IGF2R: variants seen among roughly 807,000 people sequenced by gnomAD.
IGF2R encodes the protein cation-independent mannose-6-phosphate receptor.
Under a neutral mutation model 270.6 loss-of-function variants are expected in IGF2R, and 91 were observed. That is an observed-to-expected ratio of 0.34 (90% CI 0.28 to 0.40). The LOEUF is 0.40. IGF2R is among the 10% of genes least tolerant of loss of function. IGF2R has a pLI of 1.00. For missense variants in IGF2R, 2,805 were observed against 3,188.3 expected, an observed-to-expected ratio of 0.88 and a Z score of 2.90; for synonymous variants, 1,316 against 1,258.9, an observed-to-expected ratio of 1.05 and a Z score of -0.96.
chr6:160,026,614 G>T (rs1468966835), intron 5 of IGF2R, among the ~76,000 whole-genome samples: 1 of 152,214 alleles, frequency 6.6e-6, no homozygotes, highest in African/African-American at 2.4e-5. Flanking sequence ...GAGCAACCTA[G>T]CTGTAATCAT....
chr6:160,097,356 A>G (rs1311701884), intron 45 of IGF2R, among the ~76,000 whole-genome samples: 1 of 151,730 alleles, frequency 6.6e-6, no homozygotes, highest in African/African-American at 2.4e-5. Context: ...TTTGGGATGG[A>G]CTCTTGCTCT....
chr6:159,980,231 G>GAAAGAAAGAAAGA (rs1783774192), intron 1 of IGF2R, among the ~76,000 whole-genome samples: 2 of 114,426 alleles, frequency 1.7e-5, no homozygotes, highest in African/African-American at 6.1e-5. Flanking sequence ...AAGAAAGAAA[G>GAAAGAAAGAAAGA]AAAGAAAGGT....
chr6:160,001,492 A>T (rs562100410), intron 2 of IGF2R, among the ~76,000 whole-genome samples: 40 of 152,302 alleles, frequency 2.6e-4, no homozygotes, highest in Non-Finnish European at 4.1e-4. Context: ...TAAATGTAAT[A>T]TGCTTGAATC....
intron 18 of IGF2R, 28 bp downstream of exon 18, chr6:160,048,571 T>C: frequency 6.2e-7 from 1 of 1,607,562 alleles, no homozygotes; most frequent in Non-Finnish European, 8.5e-7. Flanking sequence ...GCTTGTCTCC[T>C]TTGCCCTCCT....
Position 159,973,064 on chromosome 6 carries a change from TG to T in IGF2R, c.149+3672del, listed in dbSNP as rs1224852348. ...TTTCTGAGGCTAGTGTGATAGGCTG[TG>T]GGACTGGCCTGTAGAAAAGACCTGG... is the stretch of plus-strand genomic sequence containing the variant. On this transcript the variant is annotated intron_variant, in intron 1 of 47. Coordinates refer to ENST00000356956, the MANE Select transcript of IGF2R (RefSeq NM_000876.4). Among the ~76,000 whole-genome samples the T allele has an allele frequency of 2.0e-5, 3 of 152,234 alleles. No homozygotes were observed. In the East Asian group the frequency reaches 5.8e-4, roughly 29 times the overall value.
intron 1 of IGF2R, among the ~76,000 whole-genome samples, chr6:159,986,430 G>GTGTGT (rs764032319): frequency 7.7e-5 from 9 of 116,830 alleles, no homozygotes; most frequent in Non-Finnish European, 1.1e-4. Flanking sequence ...GTGTGTGTGT[G>GTGTGT]TTTTTTTTTT....
Position 159,989,221 on chromosome 6 carries a change from A to G in IGF2R, c.150-1963A>G, listed in dbSNP as rs149836197. Among the ~76,000 whole-genome samples the G allele has an allele frequency of 3.4e-4, 52 of 152,162 alleles. 1 individual carries two copies. In the South Asian group the frequency reaches 9.8e-3, roughly 29 times the overall value. On this transcript the variant is annotated intron_variant, in intron 1 of 47. Transcript: ENST00000356956. ...GGGGGTTTGATGGGTTCCCAGACCT[A>G]GGAGTTCTTGGCGCCTCGTCTTCCA... is the stretch of plus-strand genomic sequence containing the variant.
intron 4 of IGF2R, among the ~76,000 whole-genome samples, chr6:160,017,713 A>G (rs986644718): frequency 3.9e-5 from 6 of 152,164 alleles, no homozygotes; most frequent in African/African-American, 1.2e-4. Context: ...CAAGGTGCTT[A>G]AGGAAAAAAA....
intron 4 of IGF2R, among the ~76,000 whole-genome samples, chr6:160,019,969 G>C (rs569193069): frequency 6.6e-6 from 1 of 152,214 alleles, no homozygotes; most frequent in Non-Finnish European, 1.5e-5. Context: ...GGGGCAGTCA[G>C]GCAAGAGAAA....
At position 160,111,482 on chromosome 6, in the gene IGF2R, T is replaced by C. The variant is rs1463985307; in HGVS notation, c.*6398T>C. The C allele has an allele frequency of 6.6e-6, 1 of 152,252 alleles. No individual in the cohort carries two copies. The highest frequency in any genetic ancestry group is 1.5e-5 in the Non-Finnish European group (1 of 68,058). 9.4% of individuals were successfully genotyped at this position (152,252 alleles called of 1,614,324 possible). A position where few individuals can be genotyped will look rare whatever the true frequency, so the allele number is the denominator to read the frequency against. ...TGTATTTTATTGTAAGAATACAGTA[T>C]ATAATACATACAACATCGAAAATAT... On this transcript the variant is annotated 3_prime_UTR_variant, in exon 48 of 48. Transcript: ENST00000356956.
chr6:160,068,342 C>T lies in IGF2R; in HGVS notation c.4209C>T (p.Tyr1403=), dbSNP rs2115269934. 6.2e-7 allele frequency: 1 copy of T among 1,614,260 alleles called. No homozygotes were observed. The highest frequency in any genetic ancestry group is 8.5e-7 in the Non-Finnish European group (1 of 1,180,046). Residue 1403 remains tyrosine (Y), a synonymous_variant, in exon 30 of 48, where the codon TAC becomes TAT. Coordinates refer to ENST00000356956, the MANE Select transcript of IGF2R (RefSeq NM_000876.4). The stretch of plus-strand genomic sequence containing the variant: ...CTGGGACGGGGGACCCGGAGCACTA[C>T]CTCATCAATGTCTGCAAGTCTCTGG... ...AITGTGDPEH[Y]LINVCKSLAP...
At chr6:160,049,512 G>A (rs1778146857) in intron 18 of IGF2R, among the ~76,000 whole-genome samples, 1 of 152,178 alleles carries the variant, frequency 6.6e-6, no homozygotes, top group Non-Finnish European at 1.5e-5. Context: ...CTCCAGCCCT[G>A]GGGCCAGTTG....
chr6:160,096,411 T>C, intron 44 of IGF2R, 28 bp from the exon 45 acceptor site: 4 of 1,592,776 alleles, frequency 2.5e-6, no homozygotes, highest in Non-Finnish European at 2.6e-6. Context: ...GATGGTGACA[T>C]GCCATGTGTG....
At position 160,032,677 on chromosome 6, in the gene IGF2R, G is replaced by A. The variant is rs1456095686; in HGVS notation, c.1009G>A (p.Val337Ile). 6.2e-7 allele frequency: 1 copy of A among 1,614,184 alleles called. No individual in the cohort carries two copies. The highest frequency in any genetic ancestry group is 1.7e-5 in the Admixed American group (1 of 60,030). Reference protein sequence around the residue: ...TCSLSGEQQDVSIDLTPLAQS... With the variant: ...TCSLSGEQQDISIDLTPLAQS... ...TTCTCTGAGCGGCGAGCAGCAGGAT[G>A]TCTCCATAGACCTCACACCACTTGC... The change falls in exon 8 of 48, where the codon GTC (valine) becomes ATC (isoleucine). Residue 337 changes from valine (V) to isoleucine (I), a missense_variant. Around this residue, in one of 2 missense-constraint regions of IGF2R, gnomAD observed 954 missense variants for 981.1 expected, o/e 0.97. Coordinates refer to ENST00000356956, the MANE Select transcript of IGF2R (RefSeq NM_000876.4).
chr6:160,076,484 A>C (rs150006598), intron 36 of IGF2R, among the ~76,000 whole-genome samples: 1 of 152,182 alleles, frequency 6.6e-6, no homozygotes, highest in African/African-American at 2.4e-5. Flanking sequence ...TTAAAAAAAG[A>C]ATACCAGCTT....
intron 25 of IGF2R, 26 bp from the exon 26 acceptor site, chr6:160,062,506 A>G (rs1778462421): frequency 6.3e-7 from 1 of 1,574,842 alleles, no homozygotes; most frequent in African/African-American, 1.3e-5. Flanking sequence ...ACAGGAAACA[A>G]ATCAGGCTGC....
In IGF2R at chr6:160,102,626, T is replaced by A; in HGVS notation, c.6950T>A (p.Leu2317His). The A allele has an allele frequency of 6.2e-7, 1 of 1,612,882 alleles. No homozygotes were observed. The highest frequency in any genetic ancestry group is 8.5e-7 in the Non-Finnish European group (1 of 1,179,348). ...GAVLSLLLVA[L>H]TCCLLALLLY... Reference sequence around the variant, plus strand: ...GTGCTCAGCCTGCTGCTGGTGGCGCTCACCTGCTGCCTGCTGGCCCTGTTG... The same window carrying A: ...GTGCTCAGCCTGCTGCTGGTGGCGCACACCTGCTGCCTGCTGGCCCTGTTG... The change falls in exon 46 of 48, where the codon CTC becomes CAC. Residue 2317 changes from leucine (L) to histidine (H), a missense_variant. Physicochemically the swap from Leu to His is moderately conservative, Grantham distance 99. Coordinates refer to ENST00000356956, the MANE Select transcript of IGF2R (RefSeq NM_000876.4). This position sits in a 1 kb window ranked among gnomAD's most constrained non-coding sequence, Gnocchi z 4.5.
chr6:160,102,891 C>A lies in IGF2R; in HGVS notation c.6995+220C>A, dbSNP rs971942356. 6.6e-6 allele frequency among the ~76,000 whole-genome samples: 1 copy of A among 152,180 alleles called. No individual in the cohort carries two copies. The highest frequency in any genetic ancestry group is 1.5e-5 in the Non-Finnish European group (1 of 68,032). ...AAGGCCGAGGCCCTCGCACATCACC[C>A]GTGCCTGCGGCTTCTAGGACCGTGG... On this transcript the variant is annotated intron_variant, in intron 46 of 47. Coordinates refer to ENST00000356956, the MANE Select transcript of IGF2R (RefSeq NM_000876.4). The surrounding 1 kb of genome is among the most constrained non-coding windows in gnomAD (Gnocchi z 4.5).
intron 10 of IGF2R, among the ~76,000 whole-genome samples, chr6:160,037,165 T>A (rs1482099879): frequency 6.6e-6 from 1 of 152,166 alleles, no homozygotes; most frequent in African/African-American, 2.4e-5. Context: ...TTAACAAAAT[T>A]AACAGTGACA....
Sources: allele counts gnomAD v4.1 joint callset (sites outside exome capture counted in the v4.1 genomes callset), GRCh38; gene constraint gnomAD v4.1.1; regional missense constraint gnomAD v4.1.1; non-coding constraint Gnocchi (gnomAD v3.1); transcripts MANE v1.5; gene names NCBI Gene and HGNC (gene_info 2026-07-23, HGNC 2026-07-21).